CCDC148: variants seen among roughly 807,000 people sequenced by gnomAD.
CCDC148 encodes coiled-coil domain containing 148.
In CCDC148, 89 loss-of-function variants were observed where a neutral mutation model predicts 85.7. The ratio of observed to expected loss-of-function variants is 1.04; its 90% CI spans 0.87 to 1.24. CCDC148 has a LOEUF of 1.24. Ranked by LOEUF, CCDC148 falls within the 50% of genes most tolerant of loss-of-function variation. The probability of loss-of-function intolerance (pLI) is 0.00; values close to 1 mark genes in which losing one functional copy is unlikely to be tolerated. For synonymous variants in CCDC148, 230 were observed against 213.9 expected, an observed-to-expected ratio of 1.08 and a Z score of -0.66; for missense variants, 692 against 671.7, an observed-to-expected ratio of 1.03 and a Z score of -0.33.
chr2:158,290,671 T>C (rs1414650973), intron 9 of CCDC148, among the ~76,000 whole-genome samples: 1 of 152,148 alleles, frequency 6.6e-6, no homozygotes, highest in African/African-American at 2.4e-5. Flanking sequence ...CTTTTTGCTC[T>C]CTTGTAGTAT....
At chr2:158,194,237 G>A (rs1298056343) in intron 11 of CCDC148, among the ~76,000 whole-genome samples, 1 of 151,968 alleles carries the variant, frequency 6.6e-6, no homozygotes, top group Non-Finnish European at 1.5e-5. Context: ...CTGATATTTA[G>A]TATTAAACAC....
chr2:158,264,747 T>C (rs1004820930), intron 9 of CCDC148, among the ~76,000 whole-genome samples: 5 of 152,144 alleles, frequency 3.3e-5, no homozygotes, highest in Admixed American at 3.3e-4. Context: ...TCCAGTCATC[T>C]TGAATTTTTT....
At chr2:158,325,109 A>G (rs1692709226) in intron 7 of CCDC148, among the ~76,000 whole-genome samples, 1 of 151,480 alleles carries the variant, frequency 6.6e-6, no homozygotes, top group African/African-American at 2.4e-5. Context: ...AAAAGCAAAT[A>G]ACTACATAAA....
At chr2:158,430,286 T>C (rs1687289031) in intron 1 of CCDC148, among the ~76,000 whole-genome samples, 1 of 152,144 alleles carries the variant, frequency 6.6e-6, no homozygotes, top group South Asian at 2.1e-4. Flanking sequence ...ACACACATTC[T>C]ACCAAAGCTT....
chr2:158,415,241 C>T (rs1164205113), intron 1 of CCDC148, among the ~76,000 whole-genome samples: 1 of 151,788 alleles, frequency 6.6e-6, no homozygotes, highest in Non-Finnish European at 1.5e-5. Context: ...GGGAAGCAGA[C>T]ACATTCTACA....
intron 11 of CCDC148, among the ~76,000 whole-genome samples, chr2:158,198,515 C>T (rs1685790894): frequency 1.3e-5 from 2 of 152,112 alleles, no homozygotes; most frequent in Non-Finnish European, 2.9e-5. Context: ...TGAATCATGC[C>T]AGGAATCATG....
intron 11 of CCDC148, among the ~76,000 whole-genome samples, chr2:158,218,505 G>C (rs754783636): frequency 1.3e-5 from 2 of 152,022 alleles, no homozygotes; most frequent in Non-Finnish European, 1.5e-5. Context: ...ATAATTATTG[G>C]GACAGGAAGC....
At chr2:158,375,108 A>G (rs1318386336) in intron 1 of CCDC148, among the ~76,000 whole-genome samples, 1 of 152,038 alleles carries the variant, frequency 6.6e-6, no homozygotes, top group African/African-American at 2.4e-5. Context: ...ATGCAACAAT[A>G]TTAGAGTCTA....
At chr2:158,448,947 C>T (rs181090557) in intron 1 of CCDC148, among the ~76,000 whole-genome samples, 81 of 152,098 alleles carry the variant, frequency 5.3e-4, no homozygotes, top group Admixed American at 8.5e-4. Context: ...CCAGCCTCAG[C>T]CTCCTGAGTA....
intron 1 of CCDC148, among the ~76,000 whole-genome samples, chr2:158,376,124 A>G (rs1298308131): frequency 1.3e-5 from 2 of 152,186 alleles, no homozygotes; most frequent in Non-Finnish European, 2.9e-5. Flanking sequence ...ATCAATATAG[A>G]CATAGGTAAA....
intron 9 of CCDC148, among the ~76,000 whole-genome samples, chr2:158,291,683 T>C (rs902183449): frequency 4.6e-5 from 7 of 152,182 alleles, no homozygotes; most frequent in South Asian, 2.1e-4. Flanking sequence ...CTGCACTCCA[T>C]AACAGCCAAA....
intron 1 of CCDC148, among the ~76,000 whole-genome samples, chr2:158,374,448 A>G (rs375405284): frequency 6.0e-4 from 92 of 152,182 alleles, no homozygotes; most frequent in African/African-American, 1.7e-3. Context: ...AAGTTTCACT[A>G]TGATACATAC....
intron 7 of CCDC148, among the ~76,000 whole-genome samples, chr2:158,338,258 A>C (rs1450311722): frequency 6.6e-6 from 1 of 152,172 alleles, no homozygotes; most frequent in Admixed American, 6.6e-5. Flanking sequence ...CCAGAAGTCT[A>C]TTTCCTAAAA....
intron 9 of CCDC148, among the ~76,000 whole-genome samples, chr2:158,281,547 GAC>G (rs2105175984): frequency 6.6e-6 from 1 of 152,128 alleles, no homozygotes; most frequent in South Asian, 2.1e-4. Context: ...TAAATTCCTC[GAC>G]ACATACACTC....
chr2:158,439,133 C>A (rs1356660837), intron 1 of CCDC148, among the ~76,000 whole-genome samples: 1 of 152,126 alleles, frequency 6.6e-6, no homozygotes. Context: ...TGGGTATATA[C>A]CCAAAGGTTC....
At chr2:158,223,203 C>T (rs958156159) in intron 10 of CCDC148, among the ~76,000 whole-genome samples, 2 of 152,192 alleles carry the variant, frequency 1.3e-5, no homozygotes, top group Non-Finnish European at 2.9e-5. Flanking sequence ...CCTACGCCCA[C>T]GGATCCTCAC....
At chr2:158,410,026 C>T (rs1306546657) in intron 1 of CCDC148, among the ~76,000 whole-genome samples, 1 of 152,168 alleles carries the variant, frequency 6.6e-6, no homozygotes, top group African/African-American at 2.4e-5. Flanking sequence ...CATCCCCAGC[C>T]ATGTGAAACT....
In CCDC148 at chr2:158,171,073, T is replaced by C. The variant is rs1458517092; in HGVS notation, c.*1040A>G. ...GCAGATAAAGATATTGCCCATAGAA[T>C]CTTTTGTGAAGATTTATTCTAACGG... On this transcript the variant is annotated 3_prime_UTR_variant, in exon 14 of 14. Transcript: ENST00000283233. 6.6e-6 allele frequency: 1 copy of C among 152,026 alleles called. No individual in the cohort carries two copies. Among genetic ancestry groups the C allele is most frequent in the Non-Finnish European group, 1.5e-5 (1 of 67,978 alleles). 9.4% of individuals were successfully genotyped at this position (152,026 alleles called of 1,614,324 possible).
At chr2:158,372,082 G>A (rs1334572507) in intron 1 of CCDC148, among the ~76,000 whole-genome samples, 1 of 151,962 alleles carries the variant, frequency 6.6e-6, no homozygotes, top group Non-Finnish European at 1.5e-5. Context: ...AGTTTCCATG[G>A]GACTTCAGAG....
Sources: allele counts gnomAD v4.1 joint callset (sites outside exome capture counted in the v4.1 genomes callset), GRCh38; gene constraint gnomAD v4.1.1; transcripts MANE v1.5; gene names NCBI Gene and HGNC (gene_info 2026-07-23, HGNC 2026-07-21).